ATRNL1: variants seen among roughly 807,000 people sequenced by gnomAD.
The protein encoded by ATRNL1 is attractin-like protein 1.
ATRNL1 carries 95 observed loss-of-function variants against 182.7 expected under a neutral mutation model. The observed-to-expected ratio is 0.52, with a 90% confidence interval of 0.44 to 0.62. The LOEUF (loss-of-function observed/expected upper bound fraction) is 0.62. ATRNL1 is among the 20% of genes least tolerant of loss of function. The pLI is 0.00. For missense variants in ATRNL1, 1,471 were observed against 1,679.5 expected, an observed-to-expected ratio of 0.88 and a Z score of 2.17; for synonymous variants, 576 against 568.3, an observed-to-expected ratio of 1.01 and a Z score of -0.19.
intron 3 of ATRNL1, among the ~76,000 whole-genome samples, chr10:115,124,273 A>G (rs1341363195): frequency 1.3e-5 from 2 of 152,102 alleles, no homozygotes; most frequent in Non-Finnish European, 2.9e-5. Flanking sequence ...ACTCTGTCCT[A>G]AAAGTTTGAT....
chr10:115,380,197 G>A (rs1018074907), intron 19 of ATRNL1, among the ~76,000 whole-genome samples: 7 of 152,104 alleles, frequency 4.6e-5, no homozygotes, highest in African/African-American at 1.7e-4. Flanking sequence ...AACCTTTCTA[G>A]TACCAAAAGT....
At chr10:115,579,504 A>G (rs1555006505) in intron 26 of ATRNL1, among the ~76,000 whole-genome samples, 1 of 151,754 alleles carries the variant, frequency 6.6e-6, no homozygotes, top group African/African-American at 2.4e-5. Context: ...ACAGTTTGTG[A>G]CTTAGAACCT....
intron 27 of ATRNL1, among the ~76,000 whole-genome samples, chr10:115,800,835 G>T (rs2134234591): frequency 6.6e-6 from 1 of 152,308 alleles, no homozygotes; most frequent in African/African-American, 2.4e-5. Flanking sequence ...TAGCCACACA[G>T]GTTCCCTGAT....
chr10:115,931,572 GC>G (rs1247669929), intron 28 of ATRNL1, among the ~76,000 whole-genome samples: 1 of 152,104 alleles, frequency 6.6e-6, no homozygotes, highest in African/African-American at 2.4e-5. Context: ...GCTTTAATCA[GC>G]CATTGATCAT....
chr10:115,286,393 A>C lies in ATRNL1; in HGVS notation c.2411A>C (p.Gln804Pro). ...CTGGATGAAATACAGAAGTATACACAACAGGTAACATTTCTACTTGTTTAC... is the reference window on the plus strand; with the variant it reads ...CTGGATGAAATACAGAAGTATACACCACAGGTAACATTTCTACTTGTTTAC... ...FVLDEIQKYT[Q>P]QKVSPWVGLR... The change falls in exon 15 of 29, where the codon CAA becomes CCA. Residue 804 changes from glutamine to proline, a missense_variant. Gln to Pro is a moderately conservative substitution (Grantham distance 76). Around this residue, in one of 3 missense-constraint regions of ATRNL1, gnomAD observed 1,031 missense variants for 1,156.0 expected, o/e 0.89. Transcript: ENST00000355044. The C allele has an allele frequency of 3.3e-6, 5 of 1,526,070 alleles. No homozygotes were observed. Among genetic ancestry groups the C allele is most frequent in the Non-Finnish European group, 4.4e-6 (5 of 1,128,258 alleles). The allele number at this position is 1,526,070 out of a possible 1,614,324, so 94.5% of individuals were successfully genotyped here.
chr10:115,551,602 T>C (rs562734988), intron 26 of ATRNL1, among the ~76,000 whole-genome samples: 1 of 151,614 alleles, frequency 6.6e-6, no homozygotes, highest in East Asian at 1.9e-4. Context: ...AAAGAAAATG[T>C]ATCTTGAGGG....
intron 26 of ATRNL1, among the ~76,000 whole-genome samples, chr10:115,709,339 A>T (rs1555053882): frequency 6.6e-6 from 1 of 151,942 alleles, no homozygotes; most frequent in African/African-American, 2.4e-5. Context: ...ATTATTATAT[A>T]CTGAAATATA....
intron 19 of ATRNL1, among the ~76,000 whole-genome samples, chr10:115,338,866 T>C (rs1855612800): frequency 6.6e-6 from 1 of 152,212 alleles, no homozygotes; most frequent in African/African-American, 2.4e-5. Context: ...TTTGAGGTCT[T>C]AGATTTAAGT....
At chr10:115,878,614 C>T (rs1951751102) in intron 28 of ATRNL1, among the ~76,000 whole-genome samples, 1 of 152,082 alleles carries the variant, frequency 6.6e-6, no homozygotes, top group South Asian at 2.1e-4. Context: ...TTTGCATTTC[C>T]TCTGTGCAAA....
At chr10:115,653,566 T>C (rs1860144919) in intron 26 of ATRNL1, among the ~76,000 whole-genome samples, 2 of 152,184 alleles carry the variant, frequency 1.3e-5, no homozygotes, top group Non-Finnish European at 1.5e-5. Context: ...AACAATATCC[T>C]TCTGATGGAC....
intron 8 of ATRNL1, among the ~76,000 whole-genome samples, chr10:115,174,110 C>G (rs184068986): frequency 4.6e-5 from 7 of 151,842 alleles, no homozygotes; most frequent in African/African-American, 1.4e-4. Flanking sequence ...TTTCTCATTG[C>G]CCTTTCAGCA....
chr10:115,677,253 T>C (rs1169046857), intron 26 of ATRNL1, among the ~76,000 whole-genome samples: 3 of 152,070 alleles, frequency 2.0e-5, no homozygotes, highest in Non-Finnish European at 4.4e-5. Context: ...GAAAAAGATA[T>C]GGCCACAGGT....
At chr10:115,429,789 C>T (rs1554963573) in intron 21 of ATRNL1, among the ~76,000 whole-genome samples, 1 of 151,936 alleles carries the variant, frequency 6.6e-6, no homozygotes, top group East Asian at 1.9e-4. Flanking sequence ...ATTTTCTGGC[C>T]GGGCGCTGTG....
intron 25 of ATRNL1, among the ~76,000 whole-genome samples, chr10:115,543,871 T>A (rs1204040519): frequency 6.6e-6 from 1 of 152,204 alleles, no homozygotes; most frequent in South Asian, 2.1e-4. Context: ...GTAGCTGATA[T>A]ACTTGCTTTT....
chr10:115,556,848 C>A (rs1357890422), intron 26 of ATRNL1, among the ~76,000 whole-genome samples: 1 of 150,498 alleles, frequency 6.6e-6, no homozygotes, highest in African/African-American at 2.5e-5. Context: ...CCTTGAGAAT[C>A]ACCTGTGGAT....
intron 26 of ATRNL1, among the ~76,000 whole-genome samples, chr10:115,577,135 G>T (rs1290528473): frequency 6.6e-6 from 1 of 151,708 alleles, no homozygotes. Flanking sequence ...CTCTGGTTTT[G>T]TAATATAATT....
intron 18 of ATRNL1, among the ~76,000 whole-genome samples, chr10:115,322,688 C>T (rs1434647981): frequency 6.6e-6 from 1 of 152,042 alleles, no homozygotes; most frequent in Non-Finnish European, 1.5e-5. Context: ...GGCCTTCTAG[C>T]ATCTCATTCT....
intron 26 of ATRNL1, among the ~76,000 whole-genome samples, chr10:115,550,275 G>A (rs1554995219): frequency 6.6e-6 from 1 of 151,450 alleles, no homozygotes; most frequent in African/African-American, 2.4e-5. Context: ...GTATTCTATT[G>A]TATTAATCTT....
At chr10:115,759,571 A>G (rs1274941338) in intron 27 of ATRNL1, among the ~76,000 whole-genome samples, 3 of 17,490 alleles carry the variant, frequency 1.7e-4, no homozygotes, top group African/African-American at 2.3e-4. Context: ...ACAGTAGAGC[A>G]AAGTTTTAAT....
Sources: allele counts gnomAD v4.1 joint callset (sites outside exome capture counted in the v4.1 genomes callset), GRCh38; gene constraint gnomAD v4.1.1; regional missense constraint gnomAD v4.1.1; transcripts MANE v1.5; gene names NCBI Gene and HGNC (gene_info 2026-07-23, HGNC 2026-07-21).